The following MUC12 variants were observed in gnomAD, a reference collection of about 807,000 sequenced individuals.
MUC12 encodes mucin 12, cell surface associated.
MUC12 carries 172 observed loss-of-function variants against 230.8 expected under a neutral mutation model. The observed-to-expected ratio is 0.75, with a 90% CI of 0.66 to 0.85. The LOEUF (loss-of-function observed/expected upper bound fraction) is 0.85, where lower values mean the gene tolerates loss of function less well. Among genes scored for constraint, MUC12 ranks in the 40% least tolerant of loss-of-function variants. MUC12 has a pLI of 0.00. For synonymous variants in MUC12, 1,259 were observed against 2,401.9 expected, an observed-to-expected ratio of 0.52 and a Z score of 13.91; for missense variants, 3,506 against 5,920.6, an observed-to-expected ratio of 0.59 and a Z score of 13.38.
chr7:100,972,530 G>GTTTTTTTTT (rs1554464947), intron 1 of MUC12, among the ~76,000 whole-genome samples: 1 of 14,506 alleles, frequency 6.9e-5, no homozygotes. Context: ...TTTTGAGACA[G>GTTTTTTTTT]TCTCCTCTGT....
intron 2 of MUC12, 57 bp from the exon 3 acceptor site, chr7:101,006,414 C>T (rs761254791): frequency 1.6e-4 from 184 of 1,171,218 alleles, no homozygotes; most frequent in Admixed American, 3.2e-4. Flanking sequence ...AATGGGAGTG[C>T]GTGTTTTTGC....
chr7:100,987,777 A>C (rs1342468676), intron 1 of MUC12, among the ~76,000 whole-genome samples: 4 of 150,766 alleles, frequency 2.7e-5, no homozygotes, highest in Non-Finnish European at 5.9e-5. Flanking sequence ...GTTTGAGACC[A>C]GCCTGACCAA....
Position 100,990,112 on chromosome 7 carries a change from A to G in MUC12, c.68-519A>G, listed in dbSNP as rs141428812. Among the ~76,000 whole-genome samples the G allele has an allele frequency of 2.6e-3, 399 of 152,240 alleles. 1 individual carries two copies. The highest frequency in any genetic ancestry group is 9.0e-3 in the African/African-American group (373 of 41,536). ...CAAGGGTCTATAACAGGGGTCCCCA[A>G]CCCCCTGGCCCCAGACCAGAACTGG... On this transcript the variant is annotated intron_variant, in intron 1 of 11. Transcript: ENST00000536621.
rs1253310558 is a variant in MUC12 at position 101,013,041 on chromosome 7, T to C, written c.15537T>C (p.Asp5179=). ...YTQFYYVDVL[D]GKLACVNKCT... ...AGTTCTACTATGTGGATGTCTTGGA[T>C]GGGAAGCTGGCCTGTGTGAACAAGT... is the stretch of plus-strand genomic sequence containing the variant. The change falls in exon 8 of 12, where the codon GAT becomes GAC. Residue 5179 remains aspartate, a synonymous_variant. Transcript: ENST00000536621. 7 of 1,537,340 alleles carry C rather than the reference T, an allele frequency of 4.6e-6. No homozygotes were observed. The South Asian group carries it at 7.1e-5, about 16-fold the overall frequency.
At position 101,017,645 on chromosome 7, in the gene MUC12, T is replaced by G; in HGVS notation, c.15948T>G (p.Thr5316=). The change falls in exon 11 of 12, where the codon ACT becomes ACG. Residue 5316 remains threonine (T), a synonymous_variant. Coordinates refer to ENST00000536621, the MANE Select transcript of MUC12 (RefSeq NM_001164462.2). ...AYNNFRPTLE[T]VDSGTELHIQ... ...ACAACTTCCGGCCCACCCTGGAGACTGTTGACTCTGGCACAGAGGTGACTC... is the reference window on the plus strand; with the variant it reads ...ACAACTTCCGGCCCACCCTGGAGACGGTTGACTCTGGCACAGAGGTGACTC... 1 of 1,535,970 alleles carries G rather than the reference T, an allele frequency of 6.5e-7. No individual in the cohort carries two copies. The highest frequency in any genetic ancestry group is 8.7e-7 in the Non-Finnish European group (1 of 1,146,100).
intron 1 of MUC12, among the ~76,000 whole-genome samples, chr7:100,975,516 T>TAA (rs1793013524): frequency 5.3e-5 from 8 of 149,784 alleles, no homozygotes; most frequent in Non-Finnish European, 7.4e-5. Flanking sequence ...AGTAATAAAC[T>TAA]TATTCAGCAA....
chr7:101,002,835 C>G lies in MUC12; in HGVS notation c.12272C>G (p.Pro4091Arg). 9.6e-7 allele frequency: 1 copy of G among 1,040,876 alleles called. No individual in the cohort carries two copies. The highest frequency in any genetic ancestry group is 1.3e-6 in the Non-Finnish European group (1 of 763,750). 64.5% of individuals were successfully genotyped at this position (1,040,876 alleles called of 1,614,324 possible). Reference protein sequence around the residue: ...QSWPSSSDTTPSPPSTTAVPV... With the variant: ...QSWPSSSDTTRSPPSTTAVPV... ...TGGCCAAGCTCAAGTGACACAACACCTTCACCTCCCAGCACCACAGCAGTC... is the reference window on the plus strand; with the variant it reads ...TGGCCAAGCTCAAGTGACACAACACGTTCACCTCCCAGCACCACAGCAGTC... The change falls in exon 2 of 12, where the codon CCT becomes CGT. Residue 4091 changes from proline to arginine, a missense_variant. Coordinates refer to ENST00000536621, the MANE Select transcript of MUC12 (RefSeq NM_001164462.2).
intron 6 of MUC12, 75 bp from the exon 7 acceptor site, chr7:101,012,744 G>A: frequency 6.8e-7 from 1 of 1,470,644 alleles, no homozygotes. Context: ...GTATAGAAGA[G>A]AGAGGCCTGG....
intron 1 of MUC12, among the ~76,000 whole-genome samples, chr7:100,971,530 C>T (rs1274758843): frequency 6.6e-6 from 1 of 152,284 alleles, no homozygotes. Context: ...CTGCCTCTGC[C>T]CGCCAAGCCT....
chr7:101,012,521 G>C, intron 6 of MUC12, 74 bp downstream of exon 6: 2 of 1,440,958 alleles, frequency 1.4e-6, no homozygotes, highest in African/African-American at 1.4e-5. Flanking sequence ...CCTCCTCTAC[G>C]TCTTCTTTCT....
At chr7:101,014,777 CTTAAATTAAATTAAATTAAA>C (rs10533221) in intron 9 of MUC12, among the ~76,000 whole-genome samples, 28 of 143,636 alleles carry the variant, frequency 1.9e-4, no homozygotes, top group South Asian at 4.7e-4. Context: ...CGTGCCCGGC[CTTAAATTAAATTAAATTAAA>C]TTAAATTAAA....
rs1456580367 is a variant in MUC12, at chr7:101,004,973, A to T, written c.14410A>T (p.Thr4804Ser). The T allele has an allele frequency of 6.5e-7, 1 of 1,537,748 alleles. No homozygotes were observed. The highest frequency in any genetic ancestry group is 2.0e-5 in the Admixed American group (1 of 50,996). ...AACTTTCCACAGTAAGCCAGGCTCA[A>T]CTGAGACAACACTGTCCCCTGGCAG... The part of the protein sequence containing the change: ...STTFHSKPGS[T>S]ETTLSPGSIT... The change falls in exon 2 of 12, where the codon ACT (threonine) becomes TCT (serine). Residue 4804 changes from threonine to serine, a missense_variant. Thr to Ser is a moderately conservative substitution (Grantham distance 58). Coordinates refer to ENST00000536621, the MANE Select transcript of MUC12 (RefSeq NM_001164462.2).
In MUC12 at chr7:101,004,468, C is replaced by T; in HGVS notation, c.13905C>T (p.Ser4635=). The T allele has an allele frequency of 3.3e-6, 5 of 1,530,360 alleles. No homozygotes were observed. The highest frequency in any genetic ancestry group is 4.4e-6 in the Non-Finnish European group (5 of 1,145,236). The allele number at this position is 1,530,360 out of a possible 1,614,324, so 94.8% of individuals were successfully genotyped here. The change falls in exon 2 of 12, where the codon AGC becomes AGT. Residue 4635 remains serine, a synonymous_variant. Coordinates refer to ENST00000536621, the MANE Select transcript of MUC12 (RefSeq NM_001164462.2). ...GTGAAGAATCAAGAACTTCCCACAG[C>T]AGCACAACACACACAATATCTTCAC... ...GRSEESRTSH[S]STTHTISSPP...
At chr7:100,988,948 C>T (rs951200031) in intron 1 of MUC12, among the ~76,000 whole-genome samples, 2 of 152,152 alleles carry the variant, frequency 1.3e-5, no homozygotes, top group Non-Finnish European at 2.9e-5. Flanking sequence ...ACTTGGCTCT[C>T]ATTCTCTCTC....
At chr7:100,978,744 T>C (rs1793065797) in intron 1 of MUC12, among the ~76,000 whole-genome samples, 1 of 152,188 alleles carries the variant, frequency 6.6e-6, no homozygotes, top group Non-Finnish European at 1.5e-5. Flanking sequence ...AACCTTCTAA[T>C]GTGTGTCCCC....
At chr7:100,974,464 T>C (rs1027421752) in intron 1 of MUC12, among the ~76,000 whole-genome samples, 7 of 2,230 alleles carry the variant, frequency 3.1e-3, no homozygotes, top group Admixed American at 0.029. Context: ...TTTCAGTTTT[T>C]ATTGACTTAT....
At chr7:100,983,586 A>G (rs1793142401) in intron 1 of MUC12, among the ~76,000 whole-genome samples, 1 of 152,190 alleles carries the variant, frequency 6.6e-6, no homozygotes, top group Non-Finnish European at 1.5e-5. Context: ...TGAACAGGGC[A>G]GAAATGTTCT....
intron 1 of MUC12, among the ~76,000 whole-genome samples, chr7:100,989,073 C>T (rs534752800): frequency 6.7e-6 from 1 of 150,272 alleles, no homozygotes; most frequent in East Asian, 2.0e-4. Context: ...ATTACCCAGT[C>T]TCTGGTATGT....
intron 9 of MUC12, 52 bp from the exon 10 acceptor site, chr7:101,015,563 G>C: frequency 4.0e-6 from 6 of 1,489,296 alleles, no homozygotes; most frequent in South Asian, 3.6e-5. Context: ...GGTCCACCAA[G>C]TCCCTCCTCA....
Sources: allele counts gnomAD v4.1 joint callset (sites outside exome capture counted in the v4.1 genomes callset), GRCh38; gene constraint gnomAD v4.1.1; transcripts MANE v1.5; gene names NCBI Gene and HGNC (gene_info 2026-07-23, HGNC 2026-07-21).